The following ACTR3C variants were observed in gnomAD, a reference collection of about 807,000 sequenced individuals.
ACTR3C encodes actin related protein 3C, also known as actin-related protein 3C.
In ACTR3C, 18 loss-of-function variants were observed where a neutral mutation model predicts 26.3. That is an observed-to-expected ratio of 0.68 (90% CI 0.47 to 1.01). The LOEUF is 1.01. Among genes scored for constraint, ACTR3C ranks in the 50% least tolerant of loss-of-function variants. The pLI is 0.00. For synonymous variants in ACTR3C, 55 were observed against 94.5 expected, an observed-to-expected ratio of 0.58 and a Z score of 2.42; for missense variants, 184 against 250.7, an observed-to-expected ratio of 0.73 and a Z score of 1.80.
the ACTR3C span, among the ~76,000 whole-genome samples, chr7:150,177,587 A>G: frequency 6.6e-6 from 1 of 150,888 alleles, no homozygotes; most frequent in Admixed American, 6.6e-5. Flanking sequence ...AAGATGTGAT[A>G]TCTCTGTTAA....
intron 1 of ACTR3C, among the ~76,000 whole-genome samples, chr7:150,319,981 C>T (rs1040970123): frequency 6.6e-6 from 1 of 152,222 alleles, no homozygotes; most frequent in Admixed American, 6.5e-5. Context: ...CATTTCCTTC[C>T]GTTCTTCCTC....
the ACTR3C span, among the ~76,000 whole-genome samples, chr7:149,994,263 G>A: frequency 6.6e-6 from 1 of 152,202 alleles, no homozygotes; most frequent in Non-Finnish European, 1.5e-5. Context: ...GGCCATCGAA[G>A]GGGCAAGTCT....
chr7:150,097,707 C>T, the ACTR3C span, among the ~76,000 whole-genome samples: 29 of 151,546 alleles, frequency 1.9e-4, no homozygotes, highest in South Asian at 3.1e-3. Context: ...GGCTCCAAAA[C>T]GCATGAGGGA....
At chr7:150,197,404 AC>A in the ACTR3C span, among the ~76,000 whole-genome samples, 2 of 152,010 alleles carry the variant, frequency 1.3e-5, no homozygotes, top group African/African-American at 4.8e-5. Flanking sequence ...GTGTGTTCAA[AC>A]CCTATTTCAG....
At chr7:150,229,365 T>A in the ACTR3C span, among the ~76,000 whole-genome samples, 1 of 152,228 alleles carries the variant, frequency 6.6e-6, no homozygotes, top group Non-Finnish European at 1.5e-5. Flanking sequence ...CCTCTATTCC[T>A]AATTTTCTGA....
the ACTR3C span, among the ~76,000 whole-genome samples, chr7:150,173,216 G>A: frequency 6.7e-6 from 1 of 149,678 alleles, no homozygotes. Context: ...TGCTCCTGCA[G>A]CAAACTTCTG....
the ACTR3C span, among the ~76,000 whole-genome samples, chr7:150,063,336 G>A: frequency 6.6e-6 from 1 of 151,598 alleles, no homozygotes; most frequent in Non-Finnish European, 1.5e-5. Context: ...AGGCTGCCAT[G>A]AGGTCCTGGG....
chr7:150,294,579 T>C (rs1468345387), intron 2 of ACTR3C, among the ~76,000 whole-genome samples: 4 of 152,230 alleles, frequency 2.6e-5, no homozygotes, highest in African/African-American at 9.6e-5. Context: ...GCCTGGACTG[T>C]GCTGATAGGC....
the ACTR3C span, among the ~76,000 whole-genome samples, chr7:150,042,462 G>C: frequency 6.0e-3 from 870 of 145,540 alleles, 21 homozygotes; most frequent in African/African-American, 0.019. Context: ...AAAGAGCCAG[G>C]GGAGGAAAGG....
the ACTR3C span, among the ~76,000 whole-genome samples, chr7:150,105,549 T>C: frequency 4.6e-5 from 7 of 152,010 alleles, no homozygotes; most frequent in African/African-American, 1.7e-4. Context: ...GCTCAATCTG[T>C]GGTTTACTTC....
At chr7:150,300,963 A>G (rs1795401274) in intron 1 of ACTR3C, among the ~76,000 whole-genome samples, 1 of 152,118 alleles carries the variant, frequency 6.6e-6, no homozygotes, top group Non-Finnish European at 1.5e-5. Context: ...AGTGTGTACA[A>G]TCTCTCTCTT....
chr7:149,920,074 G>C, the ACTR3C span, among the ~76,000 whole-genome samples: 3 of 152,058 alleles, frequency 2.0e-5, no homozygotes, highest in Non-Finnish European at 4.4e-5. Flanking sequence ...CTCCAAGAAA[G>C]ATTATTCAAT....
chr7:150,301,516 A>T (rs1795438175), intron 1 of ACTR3C, among the ~76,000 whole-genome samples: 1 of 152,220 alleles, frequency 6.6e-6, no homozygotes, highest in Non-Finnish European at 1.5e-5. Flanking sequence ...CCAACATACA[A>T]ATTTAAAGTT....
the ACTR3C span, among the ~76,000 whole-genome samples, chr7:150,137,906 G>A: frequency 6.6e-6 from 1 of 152,190 alleles, no homozygotes; most frequent in African/African-American, 2.4e-5. Flanking sequence ...TATTTGTGGG[G>A]TGGGAAGGTG....
chr7:150,035,754 G>T, the ACTR3C span, among the ~76,000 whole-genome samples: 1 of 140,158 alleles, frequency 7.1e-6, no homozygotes, highest in Non-Finnish European at 1.6e-5. Flanking sequence ...CCTCGCGGGG[G>T]GTGCGTCCCC....
intron 6 of ACTR3C, among the ~76,000 whole-genome samples, chr7:150,279,991 A>C (rs1389868233): frequency 1.3e-5 from 2 of 152,222 alleles, no homozygotes; most frequent in South Asian, 4.1e-4. Flanking sequence ...AATAGAACTG[A>C]GAAGTAGAAA....
At chr7:150,022,067 T>C in the ACTR3C span, among the ~76,000 whole-genome samples, 1 of 151,848 alleles carries the variant, frequency 6.6e-6, no homozygotes, top group African/African-American at 2.4e-5. Flanking sequence ...GTGGTTATAC[T>C]AGTTTACATT....
At chr7:150,153,195 T>A in the ACTR3C span, among the ~76,000 whole-genome samples, 15 of 152,132 alleles carry the variant, frequency 9.9e-5, no homozygotes, top group African/African-American at 3.6e-4. Flanking sequence ...CCAAAAGCAA[T>A]GGCAACAAAA....
chr7:150,139,853 G>T, the ACTR3C span, among the ~76,000 whole-genome samples: 3 of 152,178 alleles, frequency 2.0e-5, no homozygotes, highest in East Asian at 3.9e-4. Context: ...CAAAGGAAAA[G>T]GTACTCATGT....
Sources: gnomAD v4.1 joint callset for allele counts (sites outside exome capture counted in the v4.1 genomes callset) on GRCh38, gnomAD v4.1.1 for gene constraint, MANE v1.5 for transcripts, NCBI Gene and HGNC (gene_info 2026-07-23, HGNC 2026-07-21) for gene names.